CSMD1: variants seen among roughly 807,000 people sequenced by gnomAD.
CSMD1 encodes CUB and Sushi multiple domains 1.
CSMD1 carries 213 observed loss-of-function variants against 417.5 expected under a neutral mutation model. The ratio of observed to expected loss-of-function variants is 0.51; its 90% confidence interval spans 0.46 to 0.57. CSMD1 has a LOEUF of 0.57. CSMD1 is among the 20% of genes least tolerant of loss of function. The pLI is 0.00. For missense variants in CSMD1, 6,923 were observed against 4,529.7 expected (o/e 1.53, Z -15.17); for synonymous variants, 2,862 against 1,736.8 (o/e 1.65, Z -16.11).
chr8:4,758,204 C>G (rs753461626), intron 1 of CSMD1, among the ~76,000 whole-genome samples: 3 of 152,108 alleles, frequency 2.0e-5, no homozygotes, highest in Admixed American at 6.6e-5. Context: ...TTACCTGGCT[C>G]TGATGCTGTT....
chr8:3,371,445 C>T (rs13280606), intron 18 of CSMD1, among the ~76,000 whole-genome samples: 12,723 of 150,452 alleles, frequency 0.085, 578 homozygotes, highest in Middle Eastern at 0.13. Context: ...CTCAGTGTCA[C>T]AATTTACTAT....
At chr8:4,828,234 A>G (rs185170472) in intron 1 of CSMD1, among the ~76,000 whole-genome samples, 10 of 152,310 alleles carry the variant, frequency 6.6e-5, no homozygotes, top group Admixed American at 5.9e-4. Flanking sequence ...TGCTAAGCCA[A>G]TATTATATGA....
intron 2 of CSMD1, among the ~76,000 whole-genome samples, chr8:4,548,014 C>G (rs549140082): frequency 8.9e-4 from 136 of 152,200 alleles, no homozygotes; most frequent in Non-Finnish European, 1.5e-3. Context: ...ATCCAGTACT[C>G]CCTTTAAAAA....
intron 5 of CSMD1, among the ~76,000 whole-genome samples, chr8:3,876,416 T>A (rs11986763): frequency 0.26 from 39,076 of 152,112 alleles, 6,247 homozygotes; most frequent in African/African-American, 0.46. Context: ...AATTCTGCAC[T>A]TAGAAGCCTG....
chr8:3,937,641 C>G (rs1033476569), intron 5 of CSMD1, among the ~76,000 whole-genome samples: 2 of 152,148 alleles, frequency 1.3e-5, no homozygotes, highest in Non-Finnish European at 2.9e-5. Context: ...TTGCAGTCAT[C>G]TGAAGCCAAA....
intron 5 of CSMD1, among the ~76,000 whole-genome samples, chr8:3,857,981 G>C (rs971773976): frequency 2.6e-5 from 4 of 152,146 alleles, no homozygotes; most frequent in Non-Finnish European, 4.4e-5. Context: ...AAAATTGTTC[G>C]GCATGGTGCG....
chr8:3,983,096 G>C (rs145644160), intron 5 of CSMD1, among the ~76,000 whole-genome samples: 1 of 150,850 alleles, frequency 6.6e-6, no homozygotes, highest in Admixed American at 6.6e-5. Flanking sequence ...GATGTAAAAC[G>C]CCTCAGACAT....
intron 1 of CSMD1, among the ~76,000 whole-genome samples, chr8:4,876,775 G>GT (rs1803067934): frequency 6.6e-6 from 1 of 152,092 alleles, no homozygotes; most frequent in African/African-American, 2.4e-5. Context: ...TCATTTCTCA[G>GT]TTTTTTGGGG....
At chr8:4,546,839 C>A (rs1797659998) in intron 2 of CSMD1, among the ~76,000 whole-genome samples, 1 of 151,736 alleles carries the variant, frequency 6.6e-6, no homozygotes, top group East Asian at 1.9e-4. Context: ...GTATATAATA[C>A]AACATATGCA....
chr8:2,942,941 A>G (rs1285369650), intron 68 of CSMD1, among the ~76,000 whole-genome samples: 2 of 152,170 alleles, frequency 1.3e-5, no homozygotes, highest in Non-Finnish European at 2.9e-5. Context: ...TATTTTTTCT[A>G]TATTCAGAGG....
chr8:4,791,761 A>C (rs187714656), intron 1 of CSMD1, among the ~76,000 whole-genome samples: 6 of 152,298 alleles, frequency 3.9e-5, no homozygotes, highest in Admixed American at 1.3e-4. Context: ...CTTCATTAGC[A>C]TCGTGTGCTA....
rs777724478 is a variant in CSMD1, at chr8:3,188,935, G to A, written c.5475C>T (p.Asn1825=). The A allele has an allele frequency of 1.2e-6, 2 of 1,610,656 alleles. No homozygotes were observed. The highest frequency in any genetic ancestry group is 1.7e-5 in the Admixed American group (1 of 59,536). The stretch of plus-strand genomic sequence containing the variant: ...CTATGATCTTCCATATACAGTTCAA[G>A]TTGTTTCCGTATGGCTCAGGGTAGC... ...SPGYPEPYGN[N]LNCIWKIIVT... is the part of the protein sequence containing the mutation. Residue 1825 remains asparagine, a synonymous_variant, in exon 35 of 70, where the codon AAC becomes AAT. Coordinates refer to ENST00000635120, the MANE Select transcript of CSMD1 (RefSeq NM_033225.6).
At chr8:3,173,808 G>T (rs76926353) in intron 37 of CSMD1, among the ~76,000 whole-genome samples, 2 of 152,144 alleles carry the variant, frequency 1.3e-5, no homozygotes, top group African/African-American at 4.8e-5. Flanking sequence ...TAGTGTTAAT[G>T]TAATATTAAA....
chr8:3,161,604 CAG>C (rs1189482294), intron 38 of CSMD1, among the ~76,000 whole-genome samples: 1 of 128,572 alleles, frequency 7.8e-6, no homozygotes, highest in African/African-American at 3.0e-5. Flanking sequence ...GCCTGGGTGA[CAG>C]AGCGAGACTC....
intron 26 of CSMD1, among the ~76,000 whole-genome samples, chr8:3,246,032 A>G (rs1046734217): frequency 1.3e-5 from 2 of 152,076 alleles, no homozygotes; most frequent in Non-Finnish European, 2.9e-5. Flanking sequence ...CCCCCAACGC[A>G]CTTGCCCGAA....
At chr8:4,823,935 C>T (rs765685876) in intron 1 of CSMD1, among the ~76,000 whole-genome samples, 6 of 151,858 alleles carry the variant, frequency 4.0e-5, no homozygotes, top group Non-Finnish European at 8.8e-5. Context: ...GCATTCTAAC[C>T]AGAGAATATA....
At chr8:3,718,051 A>T (rs543270093) in intron 6 of CSMD1, among the ~76,000 whole-genome samples, 1 of 152,342 alleles carries the variant, frequency 6.6e-6, no homozygotes, top group African/African-American at 2.4e-5. Flanking sequence ...TACATAAAAG[A>T]AAATGTTCAG....
At chr8:4,918,755 T>A (rs1346149398) in intron 1 of CSMD1, among the ~76,000 whole-genome samples, 1 of 152,220 alleles carries the variant, frequency 6.6e-6, no homozygotes, top group Admixed American at 6.5e-5. Context: ...CACACATATA[T>A]GCAGGTATGT....
chr8:3,362,229 T>A (rs1809234867), intron 20 of CSMD1, among the ~76,000 whole-genome samples: 1 of 152,152 alleles, frequency 6.6e-6, no homozygotes, highest in South Asian at 2.1e-4. Context: ...CCTACTCTGG[T>A]TATCATTAGC....
Sources: allele counts gnomAD v4.1 joint callset (sites outside exome capture counted in the v4.1 genomes callset), GRCh38; gene constraint gnomAD v4.1.1; transcripts MANE v1.5; gene names NCBI Gene and HGNC (gene_info 2026-07-23, HGNC 2026-07-21).